TECPR2: variants seen among roughly 807,000 people sequenced by gnomAD.
The protein encoded by TECPR2 is tectonin beta-propeller repeat containing 2.
Under a neutral mutation model 138.1 loss-of-function variants are expected in TECPR2, and 65 were observed. The observed-to-expected ratio is 0.47, with a 90% CI of 0.39 to 0.58. The LOEUF (loss-of-function observed/expected upper bound fraction) is 0.58. Among genes scored for constraint, TECPR2 ranks in the 20% least tolerant of loss-of-function variants. TECPR2 has a pLI of 0.00. For synonymous variants in TECPR2, 746 were observed against 749.8 expected, an observed-to-expected ratio of 0.99 and a Z score of 0.08; for missense variants, 1,553 against 1,824.5, an observed-to-expected ratio of 0.85 and a Z score of 2.71.
At chr14:102,465,117 G>C in intron 16 of TECPR2, 24 bp from the exon 17 acceptor site, 1 of 1,611,816 alleles carries the variant, frequency 6.2e-7, no homozygotes, top group Non-Finnish European at 8.5e-7. Context: ...TAATTATAGT[G>C]TGTGTACTTT....
At chr14:102,444,859 C>T (rs1595129964) in intron 12 of TECPR2, among the ~76,000 whole-genome samples, 1 of 152,158 alleles carries the variant, frequency 6.6e-6, no homozygotes, top group Non-Finnish European at 1.5e-5. Flanking sequence ...GCAGGAGAAT[C>T]ACTTGAACCT....
chr14:102,457,466 T>G (rs973788640), intron 16 of TECPR2, among the ~76,000 whole-genome samples: 2 of 152,228 alleles, frequency 1.3e-5, no homozygotes, highest in Non-Finnish European at 2.9e-5. Context: ...CGTGTATGAC[T>G]GTGCATGGCG....
At chr14:102,469,655 G>T (rs921106931) in intron 17 of TECPR2, among the ~76,000 whole-genome samples, 9 of 152,058 alleles carry the variant, frequency 5.9e-5, no homozygotes, top group Non-Finnish European at 1.0e-4. Flanking sequence ...TGATCTTAAG[G>T]GGAAGGCATT....
In TECPR2 at chr14:102,419,519, G is replaced by T. The variant is rs192267516; in HGVS notation, c.638+4726G>T. Among the ~76,000 whole-genome samples the T allele has an allele frequency of 3.9e-5, 6 of 152,112 alleles. No individual in the cohort carries two copies. Among genetic ancestry groups the T allele is most frequent in the Non-Finnish European group, 8.8e-5 (6 of 68,020 alleles). On this transcript the variant is annotated intron_variant, in intron 5 of 19. Transcript: ENST00000359520. This position sits in a 1 kb window ranked among gnomAD's most constrained non-coding sequence, Gnocchi z 4.8. ...GGACAGAGTGCAGGCGGTGGCCTCA[G>T]TTGGGCCCTCTCATGGGCAGCAGTG...
chr14:102,456,734 C>T (rs1890285424), intron 16 of TECPR2, among the ~76,000 whole-genome samples: 1 of 151,688 alleles, frequency 6.6e-6, no homozygotes, highest in South Asian at 2.1e-4. Flanking sequence ...GGACTACAGG[C>T]TCCCAACACC....
rs775793327 is a variant in TECPR2, at chr14:102,434,418, T to A, written c.1601T>A (p.Val534Glu). 3.9e-6 allele frequency: 6 copies of A among 1,529,826 alleles called. No individual in the cohort carries two copies. The highest frequency in any genetic ancestry group is 4.4e-6 in the Non-Finnish European group (5 of 1,139,752). The allele number at this position is 1,529,826 out of a possible 1,614,324, so 94.8% of individuals were successfully genotyped here. A position where few individuals can be genotyped will look rare whatever the true frequency, so the allele number is the denominator to read the frequency against. ...CAGGAAAGCAGCTTCAATGGTGAAGTGAACGGTGTCCCACAGGAAAATACT... is the reference window on the plus strand; with the variant it reads ...CAGGAAAGCAGCTTCAATGGTGAAGAGAACGGTGTCCCACAGGAAAATACT... ...PDQESSFNGE[V>E]NGVPQENTDP... is the part of the protein sequence containing the mutation. The change falls in exon 9 of 20, where the codon GTG becomes GAG. Residue 534 changes from valine to glutamate, a missense_variant. Coordinates refer to ENST00000359520, the MANE Select transcript of TECPR2 (RefSeq NM_014844.5).
At chr14:102,459,920 C>T (rs1890363959) in intron 16 of TECPR2, among the ~76,000 whole-genome samples, 1 of 152,130 alleles carries the variant, frequency 6.6e-6, no homozygotes, top group Non-Finnish European at 1.5e-5. Flanking sequence ...CCTTGGGCAG[C>T]ACTAACTCAT....
intron 4 of TECPR2, 108 bp from the exon 5 acceptor site, chr14:102,414,528 G>A (rs1888969366): frequency 1.5e-6 from 2 of 1,373,494 alleles, no homozygotes; most frequent in Non-Finnish European, 1.0e-6. Context: ...TAAGTAAGGT[G>A]CAAGCTGACC....
intron 2 of TECPR2, among the ~76,000 whole-genome samples, chr14:102,392,877 T>TTAG (rs1888216286): frequency 6.6e-6 from 1 of 152,254 alleles, no homozygotes; most frequent in Non-Finnish European, 1.5e-5. Flanking sequence ...CAAACTCTGA[T>TTAG]GCTGAATGGG....
intron 2 of TECPR2, among the ~76,000 whole-genome samples, chr14:102,403,346 AAACACTC>A (rs1368657950): frequency 6.6e-6 from 1 of 152,250 alleles, no homozygotes; most frequent in African/African-American, 2.4e-5. Flanking sequence ...TTTATGGTAA[AAACACTC>A]AACAAACTGG....
chr14:102,487,652 C>G (rs145379793), intron 17 of TECPR2, among the ~76,000 whole-genome samples: 1,579 of 152,302 alleles, frequency 0.01, 30 homozygotes, highest in African/African-American at 0.036. Context: ...CACCATTCTC[C>G]TGCCTCAGAC....
intron 16 of TECPR2, among the ~76,000 whole-genome samples, chr14:102,453,672 G>A (rs1228347100): frequency 6.6e-5 from 10 of 152,142 alleles, no homozygotes; most frequent in Non-Finnish European, 1.2e-4. Context: ...GGGCCCGGAT[G>A]AGCCCTGCAC....
chr14:102,493,662 T>A (rs1255097215), intron 17 of TECPR2, among the ~76,000 whole-genome samples: 1 of 152,150 alleles, frequency 6.6e-6, no homozygotes. Context: ...CTCCAGGTGG[T>A]CCCTGGGGAC....
chr14:102,496,751 G>T (rs1021732200), intron 17 of TECPR2: 2 of 592,386 alleles, frequency 3.4e-6, no homozygotes, highest in Non-Finnish European at 5.8e-6. Flanking sequence ...GTCCATGCTG[G>T]TATCTGCTGG....
At chr14:102,427,629 C>G (rs766617512) in intron 6 of TECPR2, among the ~76,000 whole-genome samples, 2 of 152,304 alleles carry the variant, frequency 1.3e-5, no homozygotes, top group Middle Eastern at 3.4e-3. Flanking sequence ...TCAGATAATG[C>G]TGGAGGAACC....
At position 102,498,199 on chromosome 14, in the gene TECPR2, G is replaced by A. The variant is rs757983805; in HGVS notation, c.4178G>A (p.Ser1393Asn). ...AGCCACTCGCACGGCACCCAGAAGA[G>A]CAGCCAGGCCGCCATGCCCCACCCT... is the stretch of plus-strand genomic sequence containing the variant. ...TFSHSHGTQK[S>N]SQAAMPHPED... Residue 1393 changes from serine to asparagine, a missense_variant, in exon 20 of 20, where the codon AGC becomes AAC. By Grantham distance (46) the Ser-to-Asn change is conservative. Coordinates refer to ENST00000359520, the MANE Select transcript of TECPR2 (RefSeq NM_014844.5). 2 of 1,609,646 alleles carry A rather than the reference G, an allele frequency of 1.2e-6. No homozygotes were observed. The highest frequency in any genetic ancestry group is 1.7e-6 in the Non-Finnish European group (2 of 1,179,992).
At chr14:102,370,607 G>A (rs866225126) in intron 1 of TECPR2, among the ~76,000 whole-genome samples, 14 of 152,356 alleles carry the variant, frequency 9.2e-5, no homozygotes, top group Middle Eastern at 3.4e-3. Flanking sequence ...GCAGAGGCCA[G>A]ATCACCAAGG....
chr14:102,431,667 A>G (rs1189144248), intron 7 of TECPR2, 129 bp from the exon 8 acceptor site: 2 of 973,766 alleles, frequency 2.1e-6, no homozygotes, highest in African/African-American at 3.3e-5. Flanking sequence ...CTATGAATTT[A>G]GAATCATTCA....
rs1264674464 is a variant in TECPR2, at chr14:102,445,864, G to T, written c.2992G>T (p.Ala998Ser). The T allele has an allele frequency of 1.2e-6, 2 of 1,613,676 alleles. No individual in the cohort carries two copies. The highest frequency in any genetic ancestry group is 1.7e-5 in the Admixed American group (1 of 59,920). ...ITLGDQQTLW[A>S]LDIHGNLWFR... ...GCTCGGGGATCAGCAGACTCTCTGGGCCCTGGACATCCATGGGAACCTGTG... is the reference window on the plus strand; with the variant it reads ...GCTCGGGGATCAGCAGACTCTCTGGTCCCTGGACATCCATGGGAACCTGTG... Residue 998 changes from alanine to serine, a missense_variant, in exon 13 of 20, where the codon GCC (alanine) becomes TCC (serine). Ala to Ser is a moderately conservative substitution (Grantham distance 99). Coordinates refer to ENST00000359520, the MANE Select transcript of TECPR2 (RefSeq NM_014844.5).
Sources: allele counts gnomAD v4.1 joint callset (sites outside exome capture counted in the v4.1 genomes callset), GRCh38; gene constraint gnomAD v4.1.1; non-coding constraint Gnocchi (gnomAD v3.1); transcripts MANE v1.5; gene names NCBI Gene and HGNC (gene_info 2026-07-23, HGNC 2026-07-21).